The following CHL1 variants were observed in gnomAD, a reference collection of about 807,000 sequenced individuals.
CHL1 encodes the protein neural cell adhesion molecule L1-like protein.
Under a neutral mutation model 141.9 loss-of-function variants are expected in CHL1, and 96 were observed. The ratio of observed to expected loss-of-function variants is 0.68; its 90% CI spans 0.57 to 0.80. The LOEUF (loss-of-function observed/expected upper bound fraction) is 0.80, where lower values mean the gene tolerates loss of function less well. Among genes scored for constraint, CHL1 ranks in the 30% least tolerant of loss-of-function variants. CHL1 has a pLI of 0.00. For missense variants in CHL1, 1,820 were observed against 1,457.2 expected (o/e 1.25, Z -4.05); for synonymous variants, 613 against 502.2 (o/e 1.22, Z -2.95).
At chr3:214,623 G>T (rs1339150591) in intron 1 of CHL1, among the ~76,000 whole-genome samples, 3 of 152,104 alleles carry the variant, frequency 2.0e-5, no homozygotes, top group Non-Finnish European at 4.4e-5. Context: ...TTTTTAGAAA[G>T]ATATAGACAT....
chr3:269,725 C>T (rs761033563), intron 2 of CHL1, among the ~76,000 whole-genome samples: 9 of 152,144 alleles, frequency 5.9e-5, no homozygotes, highest in Non-Finnish European at 1.3e-4. Flanking sequence ...GGGTTTCAAC[C>T]ATGTTGGTCA....
At position 382,264 on chromosome 3, in the gene CHL1, C is replaced by T; in HGVS notation, c.1962C>T (p.His654=). 1 of 1,613,574 alleles carries T rather than the reference C, an allele frequency of 6.2e-7. No individual in the cohort carries two copies. Among genetic ancestry groups the T allele is most frequent in the South Asian group, 1.1e-5 (1 of 91,066 alleles). The part of the protein sequence containing the change: ...VRLTWEAGAD[H]NSNISEYIVE... ...TGACCTGGGAAGCTGGAGCTGACCA[C>T]AACAGCAATATTAGCGGTAGGAAGA... The change falls in exon 17 of 28, where the codon CAC becomes CAT. Residue 654 remains histidine (H), a synonymous_variant. Coordinates refer to ENST00000256509, the MANE Select transcript of CHL1 (RefSeq NM_006614.4).
chr3:289,010 T>A (rs933120043), intron 2 of CHL1, among the ~76,000 whole-genome samples: 1 of 152,208 alleles, frequency 6.6e-6, no homozygotes, highest in Non-Finnish European at 1.5e-5. Flanking sequence ...TCAACATTTC[T>A]TCCTTTGGAA....
At chr3:293,501 TC>T (rs1697896063) in intron 2 of CHL1, among the ~76,000 whole-genome samples, 1 of 151,918 alleles carries the variant, frequency 6.6e-6, no homozygotes, top group Non-Finnish European at 1.5e-5. Flanking sequence ...TGACACTCCA[TC>T]AAAAAAAATT....
chr3:250,855 A>G (rs1387422664), intron 2 of CHL1, among the ~76,000 whole-genome samples: 1 of 152,148 alleles, frequency 6.6e-6, no homozygotes, highest in Non-Finnish European at 1.5e-5. Context: ...CTAGTTGTCT[A>G]ATTATAGGGT....
chr3:365,567 C>A (rs945949692), intron 14 of CHL1, among the ~76,000 whole-genome samples: 1 of 152,136 alleles, frequency 6.6e-6, no homozygotes, highest in Non-Finnish European at 1.5e-5. Flanking sequence ...ATAATAAACA[C>A]CCTAACAGAA....
chr3:239,947 G>T (rs752744417), intron 1 of CHL1, among the ~76,000 whole-genome samples: 1 of 152,118 alleles, frequency 6.6e-6, no homozygotes, highest in Admixed American at 6.6e-5. Flanking sequence ...TGGCTGAGTA[G>T]TATTCCATCA....
At position 230,082 on chromosome 3, in the gene CHL1, C is replaced by G. The variant is rs1443364788; in HGVS notation, c.-174-14531C>G. On this transcript the variant is annotated intron_variant, in intron 1 of 27. Transcript: ENST00000256509. ...CTTAAAATGTGTCCTGAGTGACAAA[C>G]TGGCCCCCACTGGAAGAACTCTTTA... 3.3e-5 allele frequency among the ~76,000 whole-genome samples: 5 copies of G among 152,314 alleles called. No homozygotes were observed. In the East Asian group the frequency reaches 9.7e-4, roughly 29 times the overall value.
At chr3:201,877 A>G (rs1340420065) in intron 1 of CHL1, among the ~76,000 whole-genome samples, 2 of 152,142 alleles carry the variant, frequency 1.3e-5, no homozygotes, top group South Asian at 2.1e-4. Context: ...AGGGACTACA[A>G]TTGTGCCATT....
At chr3:335,686 A>G (rs944854809) in intron 5 of CHL1, among the ~76,000 whole-genome samples, 2 of 152,258 alleles carry the variant, frequency 1.3e-5, no homozygotes, top group Admixed American at 1.3e-4. Context: ...AGGGAAAATA[A>G]TTCAATAAAC....
chr3:249,932 A>G (rs79108956), intron 2 of CHL1, among the ~76,000 whole-genome samples: 1,642 of 152,160 alleles, frequency 0.011, 49 homozygotes, highest in East Asian at 0.07. Context: ...GGGACTGTGA[A>G]TTAAACTAAC....
rs1263597932 is a variant in CHL1, at chr3:406,269, A to G, written c.*558A>G. The stretch of plus-strand genomic sequence containing the variant: ...AGCAAAAGTCTTAGGTGAACAATCA[A>G]CTAGTATTTGTTGAGCTCCTATTTG... On this transcript the variant is annotated 3_prime_UTR_variant, in exon 28 of 28. Transcript: ENST00000256509. 4 of 152,246 alleles carry G rather than the reference A, an allele frequency of 2.6e-5. No homozygotes were observed. Among genetic ancestry groups the G allele is most frequent in the Non-Finnish European group, 4.4e-5 (3 of 68,094 alleles). 9.4% of individuals were successfully genotyped at this position (152,246 alleles called of 1,614,324 possible).
chr3:329,978 A>G lies in CHL1; in HGVS notation c.385+1624A>G, dbSNP rs79009124. Among the ~76,000 whole-genome samples the G allele has an allele frequency of 4.0e-4, 61 of 152,226 alleles. No homozygotes were observed. In the South Asian group the frequency reaches 9.1e-3, roughly 23 times the overall value. ...TATCTTTTTCATTATTTGCTCACTCAAGCAGAGAAAAACATCAGTGAGCAT... is the reference window on the plus strand; with the variant it reads ...TATCTTTTTCATTATTTGCTCACTCGAGCAGAGAAAAACATCAGTGAGCAT... On this transcript the variant is annotated intron_variant, in intron 5 of 27. Transcript: ENST00000256509.
chr3:366,689 A>G (rs1374196290), intron 15 of CHL1, among the ~76,000 whole-genome samples: 1 of 151,784 alleles, frequency 6.6e-6, no homozygotes, highest in East Asian at 1.9e-4. Flanking sequence ...GGTTGCAAAA[A>G]AAAAAAAAAA....
intron 1 of CHL1, among the ~76,000 whole-genome samples, chr3:209,075 A>C (rs9809528): frequency 6.6e-6 from 1 of 152,104 alleles, no homozygotes; most frequent in East Asian, 1.9e-4. Context: ...CAGGTATTCA[A>C]ATGCTAGGCC....
At chr3:222,750 T>G (rs1405998461) in intron 1 of CHL1, among the ~76,000 whole-genome samples, 1 of 152,198 alleles carries the variant, frequency 6.6e-6, no homozygotes, top group African/African-American at 2.4e-5. Context: ...ATTTTTTTTT[T>G]GGTGGATCCA....
At chr3:209,269 C>T (rs1337900652) in intron 1 of CHL1, among the ~76,000 whole-genome samples, 3 of 152,178 alleles carry the variant, frequency 2.0e-5, no homozygotes, top group Non-Finnish European at 4.4e-5. Flanking sequence ...AAAGTATAAA[C>T]TGCAAGTTGG....
At chr3:394,970 G>A in intron 24 of CHL1, 98 bp downstream of exon 24, 1 of 1,008,822 alleles carries the variant, frequency 9.9e-7, no homozygotes, top group Non-Finnish European at 1.4e-6. Flanking sequence ...GCCAGTCATT[G>A]TAAATTAGAA....
intron 1 of CHL1, chr3:197,642 C>T (rs1383422861): frequency 5.5e-6 from 2 of 364,058 alleles, no homozygotes; most frequent in Non-Finnish European, 5.4e-6. Context: ...GGGGGGGTTC[C>T]GAAAATGCCG....
Sources: allele counts gnomAD v4.1 joint callset (sites outside exome capture counted in the v4.1 genomes callset), GRCh38; gene constraint gnomAD v4.1.1; transcripts MANE v1.5; gene names NCBI Gene and HGNC (gene_info 2026-07-23, HGNC 2026-07-21).